The following MME variants were observed in gnomAD, a reference collection of about 807,000 sequenced individuals.
MME encodes membrane metalloendopeptidase, also known as neprilysin.
Under a neutral mutation model 113.2 loss-of-function variants are expected in MME, and 98 were observed. The observed-to-expected ratio is 0.87, with a 90% confidence interval of 0.74 to 1.02. The LOEUF is 1.02. Ranked by LOEUF, MME falls within the 50% of genes least tolerant of loss-of-function variation. MME has a pLI of 0.00. For missense variants in MME, 836 were observed against 896.0 expected (o/e 0.93, Z 0.86); for synonymous variants, 292 against 300.6 (o/e 0.97, Z 0.30).
chr3:155,085,259 A>T (rs1715579520), intron 3 of MME, 165 bp downstream of exon 3: 1 of 511,966 alleles, frequency 2.0e-6, no homozygotes, highest in South Asian at 3.5e-5. Flanking sequence ...TAAGTAGTAG[A>T]TTAATTAACT....
In MME at chr3:155,098,210, G is replaced by A. The variant is rs1291018011; in HGVS notation, c.196+13116G>A. ...TGGTGAGATGATGGTTTCAGGGATGGCACCACAGGATGTACACTGGACAGA... is the reference window on the plus strand; with the variant it reads ...TGGTGAGATGATGGTTTCAGGGATGACACCACAGGATGTACACTGGACAGA... On this transcript the variant is annotated intron_variant, in intron 3 of 22. Transcript: ENST00000360490. Among the ~76,000 whole-genome samples, 3 of 152,086 alleles carry A rather than the reference G, an allele frequency of 2.0e-5. No homozygotes were observed. The South Asian group carries it at 6.2e-4, about 32-fold the overall frequency.
chr3:155,135,064 T>G (rs1003477908), intron 8 of MME, among the ~76,000 whole-genome samples: 1 of 152,102 alleles, frequency 6.6e-6, no homozygotes, highest in Non-Finnish European at 1.5e-5. Flanking sequence ...AGTTTGGGAA[T>G]GTTTTCTCCC....
intron 3 of MME, among the ~76,000 whole-genome samples, chr3:155,086,575 A>C (rs1195613366): frequency 6.6e-6 from 1 of 152,212 alleles, no homozygotes; most frequent in Non-Finnish European, 1.5e-5. Flanking sequence ...AGAGAAGTGT[A>C]TGAAGCTATA....
chr3:155,073,456 A>G (rs948070860), intron 1 of MME, among the ~76,000 whole-genome samples: 2 of 152,230 alleles, frequency 1.3e-5, no homozygotes, highest in Non-Finnish European at 1.5e-5. Context: ...CATGAAGTCT[A>G]CTAAGCCTTG....
chr3:155,130,445 C>A (rs1410069152), intron 8 of MME, among the ~76,000 whole-genome samples: 1 of 152,176 alleles, frequency 6.6e-6, no homozygotes, highest in East Asian at 1.9e-4. Context: ...GGGTATACTG[C>A]TGCAGGGCAT....
At chr3:155,170,379 T>A (rs1389521656) in intron 20 of MME, among the ~76,000 whole-genome samples, 1 of 152,178 alleles carries the variant, frequency 6.6e-6, no homozygotes, top group African/African-American at 2.4e-5. Flanking sequence ...TGTTCTTTTG[T>A]TCCTGTAAAT....
intron 1 of MME, among the ~76,000 whole-genome samples, chr3:155,063,063 T>C (rs917562886): frequency 2.1e-5 from 3 of 144,428 alleles, no homozygotes; most frequent in African/African-American, 7.6e-5. Context: ...AGGAAAGAAC[T>C]ACGTCAAAAC....
intron 17 of MME, 50 bp from the exon 18 acceptor site, chr3:155,166,852 T>G (rs1374420982): frequency 6.2e-7 from 1 of 1,612,340 alleles, no homozygotes; most frequent in Non-Finnish European, 8.5e-7. Context: ...AAATAAAAAT[T>G]TTAAAAACTT....
At chr3:155,177,622 G>A (rs185602164) in intron 22 of MME, among the ~76,000 whole-genome samples, 128 of 152,156 alleles carry the variant, frequency 8.4e-4, no homozygotes, top group African/African-American at 2.9e-3. Context: ...GTTCTGGTGA[G>A]GGCCATCTTC....
At position 155,172,707 on chromosome 3, in the gene MME, A is replaced by G. The variant is rs1576674004; in HGVS notation, c.2153+95A>G. ...ACTTTTCTAACTCTGATTCTTTTACATTTGGAAATTCAGTGCTTTTTTTTT... is the reference window on the plus strand; with the variant it reads ...ACTTTTCTAACTCTGATTCTTTTACGTTTGGAAATTCAGTGCTTTTTTTTT... On this transcript the variant is annotated intron_variant, in intron 22 of 22. Coordinates refer to ENST00000360490, the MANE Select transcript of MME (RefSeq NM_007289.4). The G allele has an allele frequency of 6.5e-6, 6 of 916,798 alleles. No individual in the cohort carries two copies. In the Admixed American group the frequency reaches 8.3e-5, roughly 13 times the overall value. The allele number at this position is 916,798 out of a possible 1,614,324, so 56.8% of individuals were successfully genotyped here.
intron 14 of MME, among the ~76,000 whole-genome samples, chr3:155,145,630 T>C (rs6801319): frequency 0.58 from 88,361 of 151,908 alleles, 26,147 homozygotes; most frequent in East Asian, 0.73. Flanking sequence ...CCATCCTGGA[T>C]ATTTATAATA....
intron 1 of MME, 63 bp from the exon 2 acceptor site, chr3:155,084,095 G>T: frequency 7.6e-7 from 1 of 1,318,748 alleles, no homozygotes; most frequent in Non-Finnish European, 1.1e-6. Flanking sequence ...GCCACATTAA[G>T]CATTTGGACA....
intron 16 of MME, among the ~76,000 whole-genome samples, chr3:155,155,622 T>C (rs1722257345): frequency 6.6e-6 from 1 of 152,206 alleles, no homozygotes; most frequent in South Asian, 2.1e-4. Context: ...GGAATTACCT[T>C]CTAATGAGCT....
upstream of MME, among the ~76,000 whole-genome samples, chr3:155,076,462 C>T (rs1714753268): frequency 6.6e-6 from 1 of 152,180 alleles, no homozygotes; most frequent in African/African-American, 2.4e-5. Context: ...TAGATACCAC[C>T]AGGACAGCTA....
chr3:155,109,649 C>T (rs1718010350), intron 3 of MME, among the ~76,000 whole-genome samples: 1 of 151,984 alleles, frequency 6.6e-6, no homozygotes, highest in South Asian at 2.1e-4. Flanking sequence ...TGGTGGTTCC[C>T]CCTGACTGCA....
Position 155,084,313 on chromosome 3 carries a change from A to G in MME, c.146A>G (p.Tyr49Cys), listed in dbSNP as rs946908279. 8.1e-6 allele frequency: 13 copies of G among 1,614,016 alleles called. No individual in the cohort carries two copies. The highest frequency in any genetic ancestry group is 1.0e-5 in the Non-Finnish European group (12 of 1,180,032). The change falls in exon 2 of 23, where the codon TAT (tyrosine) becomes TGT (cysteine). Residue 49 changes from tyrosine to cysteine, a missense_variant. Tyr to Cys is a radical substitution (Grantham distance 194). Coordinates refer to ENST00000360490, the MANE Select transcript of MME (RefSeq NM_007289.4). The part of the protein sequence containing the change: ...TIIAVTMIAL[Y>C]ATYDDGICKS... ...ATAGCTGTGACAATGATCGCACTCTATGCAACCTACGATGGTGAGTTACTC... is the reference window on the plus strand; with the variant it reads ...ATAGCTGTGACAATGATCGCACTCTGTGCAACCTACGATGGTGAGTTACTC...
chr3:155,126,233 G>A (rs1197851710), intron 8 of MME, among the ~76,000 whole-genome samples: 2 of 152,078 alleles, frequency 1.3e-5, no homozygotes, highest in African/African-American at 4.8e-5. Context: ...AGTGATTGAG[G>A]AATTTTGGTT....
intron 17 of MME, among the ~76,000 whole-genome samples, chr3:155,161,849 G>A (rs921854418): frequency 6.6e-6 from 1 of 152,082 alleles, no homozygotes; most frequent in Non-Finnish European, 1.5e-5. Flanking sequence ...ACCAGAACGT[G>A]CTTAATAATC....
chr3:155,164,274 G>T (rs1036896195), intron 17 of MME, among the ~76,000 whole-genome samples: 1 of 152,088 alleles, frequency 6.6e-6, no homozygotes, highest in Non-Finnish European at 1.5e-5. Flanking sequence ...CACAGAAGTT[G>T]TGCTGGGGAG....
Sources: gnomAD v4.1 joint callset for allele counts (sites outside exome capture counted in the v4.1 genomes callset) on GRCh38, gnomAD v4.1.1 for gene constraint, MANE v1.5 for transcripts, NCBI Gene and HGNC (gene_info 2026-07-23, HGNC 2026-07-21) for gene names.